Variants in ZZEF1 observed in about 807,000 individuals in gnomAD.
ZZEF1 encodes zinc finger ZZ-type and EF-hand domain-containing protein 1.
A neutral mutation model predicts 342.8 loss-of-function variants in ZZEF1; 157 were observed. That is an observed-to-expected ratio of 0.46 (90% CI 0.40 to 0.52). The LOEUF (loss-of-function observed/expected upper bound fraction) is 0.52, where lower values mean the gene tolerates loss of function less well. ZZEF1 is among the 20% of genes least tolerant of loss of function. The probability of loss-of-function intolerance (pLI) is 0.00; values close to 1 mark genes in which losing one functional copy is unlikely to be tolerated. For missense variants in ZZEF1, 3,480 were observed against 3,725.6 expected (o/e 0.93, Z 1.72); for synonymous variants, 1,505 against 1,429.1 (o/e 1.05, Z -1.20).
rs200131713 is a variant in ZZEF1, at chr17:4,077,902, G to A, written c.2970C>T (p.Ala990=). The part of the protein sequence containing the change: ...KSTDSGAKDL[A]VDLIEKYVGQ... ...ACTCACATTTTTCAATAAGGTCCAC[G>A]GCAAGATCTTTGGCTCCAGAGTCCG... The change falls in exon 19 of 55, where the codon GCC becomes GCT. Residue 990 remains alanine, a synonymous_variant. Transcript: ENST00000381638. 4 of 1,613,942 alleles carry A rather than the reference G, an allele frequency of 2.5e-6. No individual in the cohort carries two copies. The highest frequency in any genetic ancestry group is 2.7e-5 in the African/African-American group (2 of 75,006).
At chr17:4,102,179 T>C (rs1191547076) in intron 9 of ZZEF1, 138 bp downstream of exon 9, 68 of 684,432 alleles carry the variant, frequency 9.9e-5, no homozygotes, top group Non-Finnish European at 1.6e-4. Flanking sequence ...CACAAATTGC[T>C]CAGCAACCAC....
At chr17:4,132,279 G>A (rs2058672907) in intron 1 of ZZEF1, among the ~76,000 whole-genome samples, 1 of 151,066 alleles carries the variant, frequency 6.6e-6, no homozygotes, top group African/African-American at 2.4e-5. Context: ...GGCCTCCAGA[G>A]TTCAAGTGAT....
At chr17:4,077,414 G>A (rs970541188) in intron 19 of ZZEF1, among the ~76,000 whole-genome samples, 1 of 152,090 alleles carries the variant, frequency 6.6e-6, no homozygotes, top group African/African-American at 2.4e-5. Context: ...CATTTTCCAC[G>A]TATAATTTGT....
chr17:4,106,052 C>T (rs2058207888), intron 6 of ZZEF1, among the ~76,000 whole-genome samples: 1 of 152,128 alleles, frequency 6.6e-6, no homozygotes, highest in East Asian at 1.9e-4. Flanking sequence ...CAGGTTCAAG[C>T]GATTCTCCTG....
intron 6 of ZZEF1, among the ~76,000 whole-genome samples, 197 bp downstream of exon 6, chr17:4,109,456 T>G (rs941449591): frequency 6.6e-6 from 1 of 152,124 alleles, no homozygotes; most frequent in African/African-American, 2.4e-5. Context: ...TTTTTCAGTC[T>G]GTAAAGTCAG....
intron 33 of ZZEF1, among the ~76,000 whole-genome samples, chr17:4,055,827 C>G (rs1275110837): frequency 2.6e-5 from 4 of 152,162 alleles, no homozygotes; most frequent in Non-Finnish European, 5.9e-5. Context: ...GCACCAGGGA[C>G]CAATTTCGTA....
chr17:4,044,198 G>A (rs1443423895), intron 38 of ZZEF1, 26 bp downstream of exon 38: 1 of 1,611,068 alleles, frequency 6.2e-7, no homozygotes, highest in Non-Finnish European at 8.5e-7. Flanking sequence ...TGAAAGAGAT[G>A]AAGATAATGG....
chr17:4,091,371 C>G (rs1313313901), intron 11 of ZZEF1, among the ~76,000 whole-genome samples: 2 of 152,234 alleles, frequency 1.3e-5, no homozygotes, highest in African/African-American at 4.8e-5. Context: ...GAAGTTCTTT[C>G]AGAAAAACAT....
intron 26 of ZZEF1, among the ~76,000 whole-genome samples, chr17:4,069,788 G>T (rs1033384428): frequency 6.6e-6 from 1 of 152,126 alleles, no homozygotes; most frequent in Non-Finnish European, 1.5e-5. Flanking sequence ...TCAAGATCGC[G>T]CCACTGCACT....
intron 11 of ZZEF1, among the ~76,000 whole-genome samples, chr17:4,093,592 C>T (rs1025498270): frequency 2.0e-5 from 3 of 152,154 alleles, no homozygotes; most frequent in African/African-American, 4.8e-5. Context: ...CAGAATCTCC[C>T]GAGAGCCTGT....
At position 4,008,690 on chromosome 17, in the gene ZZEF1, G is replaced by T. The variant is rs1048603441; in HGVS notation, c.8805+193C>A. On this transcript the variant is annotated intron_variant, in intron 54 of 54. Coordinates refer to ENST00000381638, the MANE Select transcript of ZZEF1 (RefSeq NM_015113.4). The surrounding 1 kb of genome is among the most constrained non-coding windows in gnomAD (Gnocchi z 4.2). ...TCTGACCCCACAGTTTAGAGTGAAT[G>T]ACTCTGATAAATGGGGCTCGTGCAT... The T allele has an allele frequency of 7.4e-7, 1 of 1,355,332 alleles. No individual in the cohort carries two copies. The highest frequency in any genetic ancestry group is 9.5e-7 in the Non-Finnish European group (1 of 1,053,930). The allele number at this position is 1,355,332 out of a possible 1,614,324, so 84.0% of individuals were successfully genotyped here.
At chr17:4,099,579 CTT>C (rs904185964) in intron 9 of ZZEF1, among the ~76,000 whole-genome samples, 14 of 143,328 alleles carry the variant, frequency 9.8e-5, no homozygotes, top group African/African-American at 2.6e-4. Flanking sequence ...GAGTTTTGCT[CTT>C]GTCACCCAGG....
chr17:4,054,110 C>G lies in ZZEF1; in HGVS notation c.5381G>C (p.Arg1794Pro). Reference sequence around the variant, plus strand: ...GTCGCTGCACTGCAGACAGCGGTATCGATGCCAGGGGGCAATCTCATCACA... The same window carrying G: ...GTCGCTGCACTGCAGACAGCGGTATGGATGCCAGGGGGCAATCTCATCACA... Reference protein sequence around the residue: ...DGCDEIAPWHRYRCLQCSDMD... With the variant: ...DGCDEIAPWHPYRCLQCSDMD... The change falls in exon 34 of 55, where the codon CGA becomes CCA. Residue 1794 changes from arginine to proline, a missense_variant. By Grantham distance (103) the Arg-to-Pro change is moderately radical. Coordinates refer to ENST00000381638, the MANE Select transcript of ZZEF1 (RefSeq NM_015113.4). The G allele has an allele frequency of 6.2e-7, 1 of 1,613,756 alleles. No homozygotes were observed. The highest frequency in any genetic ancestry group is 8.5e-7 in the Non-Finnish European group (1 of 1,179,834).
chr17:4,020,751 C>G (rs754171711), intron 45 of ZZEF1, among the ~76,000 whole-genome samples: 9 of 152,168 alleles, frequency 5.9e-5, no homozygotes, highest in Admixed American at 1.3e-4. Context: ...GAATAGATTA[C>G]CTAGTAAAGG....
chr17:4,064,485 G>A lies in ZZEF1; in HGVS notation c.4594C>T (p.Arg1532Ter), dbSNP rs751131837. 3 of 1,614,138 alleles carry A rather than the reference G, an allele frequency of 1.9e-6. No individual in the cohort carries two copies. Among genetic ancestry groups the A allele is most frequent in the African/African-American group, 1.3e-5 (1 of 75,040 alleles). The change falls in exon 29 of 55, where the codon CGA becomes TGA. Residue 1532 changes from arginine (R) to a stop codon, truncating the protein, a stop_gained. Transcript: ENST00000381638. LOFTEE classifies it high-confidence loss of function. The part of the protein sequence containing the change: ...PTRRPPFTRG[R>*]LRLLSFRSME... ...GATCGAAAGGAGAGCAGCCGGAGTC[G>A]CCCTCGGGTGAAGGGAGGCCGGCGG... is the stretch of plus-strand genomic sequence containing the variant.
At position 4,074,289 on chromosome 17, in the gene ZZEF1, G is replaced by A. The variant is rs1458933656; in HGVS notation, c.3546C>T (p.Asn1182=). ...TGACAGTGAATTTGTAGCCCCATTC[G>A]TTGTGACTGCTGTCAGAGTGAAAGA... ...QFLFHSDSSH[N]EWGYKFTVTA... is the part of the protein sequence containing the mutation. Residue 1182 remains asparagine, a synonymous_variant, in exon 24 of 55, where the codon AAC becomes AAT. Transcript: ENST00000381638. 19 of 1,614,046 alleles carry A rather than the reference G, an allele frequency of 1.2e-5. No individual in the cohort carries two copies. Among genetic ancestry groups the A allele is most frequent in the Admixed American group, 1.2e-4 (7 of 60,000 alleles).
chr17:4,039,832 G>A (rs1597798476), intron 39 of ZZEF1, among the ~76,000 whole-genome samples: 1 of 152,044 alleles, frequency 6.6e-6, no homozygotes, highest in Non-Finnish European at 1.5e-5. Flanking sequence ...TTTTAGTTGA[G>A]ATGGGGTTTC....
At chr17:4,052,883 A>AG (rs2057080870) in intron 34 of ZZEF1, among the ~76,000 whole-genome samples, 1 of 150,696 alleles carries the variant, frequency 6.6e-6, no homozygotes, top group Non-Finnish European at 1.5e-5. Context: ...GCGGCGGGGG[A>AG]GAAAAAACCA....
rs1301576982 is a variant in ZZEF1 at position 4,008,299 on chromosome 17, T to G, written c.8805+584A>C. 1 of 161,728 alleles carries G rather than the reference T, an allele frequency of 6.2e-6. No homozygotes were observed. The highest frequency in any genetic ancestry group is 1.3e-5 in the Non-Finnish European group (1 of 76,768). The allele number at this position is 161,728 out of a possible 1,614,324, so 10.0% of individuals were successfully genotyped here. ...CCCAGAGCACTCAGTAATTACTTTG[T>G]TTTGAAAAGTTAGAGTCGTTTTTCA... On this transcript the variant is annotated intron_variant, in intron 54 of 54. Transcript: ENST00000381638. This position sits in a 1 kb window ranked among gnomAD's most constrained non-coding sequence, Gnocchi z 4.2.
Sources: gnomAD v4.1 joint callset for allele counts (sites outside exome capture counted in the v4.1 genomes callset) on GRCh38, gnomAD v4.1.1 for gene constraint, Gnocchi (gnomAD v3.1) non-coding constraint, MANE v1.5 for transcripts, NCBI Gene and HGNC (gene_info 2026-07-23, HGNC 2026-07-21) for gene names.